KIF9: variants seen among roughly 807,000 people sequenced by gnomAD.
KIF9 encodes kinesin family member 9.
In KIF9, 68 loss-of-function variants were observed where a neutral mutation model predicts 94.8. The ratio of observed to expected loss-of-function variants is 0.72; its 90% CI spans 0.59 to 0.88. The LOEUF (loss-of-function observed/expected upper bound fraction) is 0.88, where lower values mean the gene tolerates loss of function less well. Among genes scored for constraint, KIF9 ranks in the 40% least tolerant of loss-of-function variants. KIF9 has a pLI of 0.00. For synonymous variants in KIF9, 343 were observed against 362.1 expected (o/e 0.95, Z 0.60); for missense variants, 882 against 982.5 (o/e 0.90, Z 1.37).
At chr3:47,275,516 A>T (rs1012607321) in intron 2 of KIF9, 26 bp from the exon 3 acceptor site, 3 of 1,575,164 alleles carry the variant, frequency 1.9e-6, no homozygotes, top group Non-Finnish European at 2.6e-6. Flanking sequence ...GAGAAAGAAA[A>T]AAATGTTATT....
At chr3:47,239,299 C>T (rs956462029) in intron 17 of KIF9, among the ~76,000 whole-genome samples, 2 of 152,300 alleles carry the variant, frequency 1.3e-5, no homozygotes, top group South Asian at 2.1e-4. Context: ...GCATACCATG[C>T]GTATATTTTA....
chr3:47,245,131 C>G (rs2107217379), intron 14 of KIF9: 1 of 632,688 alleles, frequency 1.6e-6, no homozygotes, highest in Non-Finnish European at 2.7e-6. Context: ...CATGCACCCC[C>G]TCACCAGTAT....
chr3:47,251,841 C>T (rs1292312382), intron 10 of KIF9, among the ~76,000 whole-genome samples: 8 of 152,164 alleles, frequency 5.3e-5, no homozygotes, highest in Admixed American at 5.2e-4. Flanking sequence ...CTGAGGCTCA[C>T]AGCCCTTTAC....
intron 13 of KIF9, chr3:47,245,718 A>C (rs925223672): frequency 3.5e-6 from 2 of 577,762 alleles, no homozygotes; most frequent in Non-Finnish European, 6.2e-6. Flanking sequence ...CCCCATACCC[A>C]CAAGGGCTAC....
Position 47,244,883 on chromosome 3 carries a change from A to T in KIF9, c.1422T>A (p.Pro474=), listed in dbSNP as rs1385738344. 1.2e-6 allele frequency: 2 copies of T among 1,614,140 alleles called. No individual in the cohort carries two copies. The highest frequency in any genetic ancestry group is 3.3e-5 in the Admixed American group (2 of 60,008). ...CTCCGAGTCCAAAGTTTTGTCCTTC[A>T]GGCTCACCCACTAGGTGGCCATCAA... ...VDVDGHLVGE[P]EGQNFGLGVA... is the part of the protein sequence containing the mutation. Residue 474 remains proline, a synonymous_variant, in exon 15 of 21, where the codon CCT becomes CCA. Coordinates refer to ENST00000684063, the MANE Select transcript of KIF9 (RefSeq NM_182902.4).
chr3:47,282,288 G>T, intron 1 of KIF9: 1 of 985,702 alleles, frequency 1.0e-6, no homozygotes, highest in Non-Finnish European at 1.2e-6. Context: ...TGGGACCAAT[G>T]AACATTAGCT....
chr3:47,238,160 C>A (rs1217484217), intron 17 of KIF9, among the ~76,000 whole-genome samples: 1 of 151,824 alleles, frequency 6.6e-6, no homozygotes. Flanking sequence ...ACTAATGTTC[C>A]AAATATGTTG....
chr3:47,229,102 T>C (rs889665186), intron 20 of KIF9, among the ~76,000 whole-genome samples: 1 of 152,214 alleles, frequency 6.6e-6, no homozygotes, highest in Non-Finnish European at 1.5e-5. Flanking sequence ...TCACAAATTA[T>C]ACCTTTTTAA....
At chr3:47,252,323 G>C (rs1700321705) in intron 10 of KIF9, among the ~76,000 whole-genome samples, 1 of 152,156 alleles carries the variant, frequency 6.6e-6, no homozygotes, top group Admixed American at 6.5e-5. Context: ...ACTTCACCAG[G>C]CGTGGTGGCT....
At chr3:47,279,737 C>T (rs770995274) in intron 1 of KIF9, among the ~76,000 whole-genome samples, 11 of 151,804 alleles carry the variant, frequency 7.2e-5, no homozygotes, top group Non-Finnish European at 1.5e-4. Context: ...CTGCCTCAGC[C>T]TCCCGAGTAG....
intron 5 of KIF9, among the ~76,000 whole-genome samples, chr3:47,269,561 C>T (rs750037064): frequency 1.1e-4 from 16 of 152,068 alleles, no homozygotes; most frequent in South Asian, 2.1e-4. Flanking sequence ...GAATTACAGG[C>T]GTGAGCCACT....
At chr3:47,251,125 T>C (rs1257278394) in intron 10 of KIF9, among the ~76,000 whole-genome samples, 1 of 152,156 alleles carries the variant, frequency 6.6e-6, no homozygotes, top group Non-Finnish European at 1.5e-5. Flanking sequence ...GTCTCACCTG[T>C]CCACATGCCA....
rs1438941872 is a variant in KIF9 at position 47,228,375 on chromosome 3, C to CAA, written c.*275_*276dup. ...ATGTCCTTTCAGACAGGAAATAAGACAAAGTTCTCAGATGAGCACTGAAAG... is the reference window on the plus strand; with the variant it reads ...ATGTCCTTTCAGACAGGAAATAAGACAAAAAGTTCTCAGATGAGCACTGAAAG... On this transcript the variant is annotated 3_prime_UTR_variant, in exon 21 of 21. Coordinates refer to ENST00000684063, the MANE Select transcript of KIF9 (RefSeq NM_182902.4). The CAA allele has an allele frequency of 2.4e-6, 1 of 413,338 alleles. No individual in the cohort carries two copies. Among genetic ancestry groups the CAA allele is most frequent in the African/African-American group, 2.0e-5 (1 of 49,506 alleles). The allele number at this position is 413,338 out of a possible 1,614,324, so 25.6% of individuals were successfully genotyped here. A position where few individuals can be genotyped will look rare whatever the true frequency, so the allele number is the denominator to read the frequency against.
At chr3:47,281,096 A>G in intron 1 of KIF9, 1 of 696,466 alleles carries the variant, frequency 1.4e-6, no homozygotes, top group Non-Finnish European at 2.6e-6. Flanking sequence ...AGAGCCCAGC[A>G]CAGAGTAGGT....
rs541443478 is a variant in KIF9, at chr3:47,255,909, G to A, written c.1059+1574C>T. The stretch of plus-strand genomic sequence containing the variant: ...CGAGTGCCTGTGATTGCGGGCGCGC[G>A]CCACCACACCTGACTGGTTTTCCTA... On this transcript the variant is annotated intron_variant, in intron 10 of 20. Coordinates refer to ENST00000684063, the MANE Select transcript of KIF9 (RefSeq NM_182902.4). Among the ~76,000 whole-genome samples, 95 of 152,336 alleles carry A rather than the reference G, an allele frequency of 6.2e-4. 1 individual carries two copies. Among genetic ancestry groups the A allele is most frequent in the African/African-American group, 2.2e-3 (91 of 41,580 alleles).
At chr3:47,258,319 C>T (rs184912388) in intron 9 of KIF9, among the ~76,000 whole-genome samples, 1 of 152,164 alleles carries the variant, frequency 6.6e-6, no homozygotes, top group Non-Finnish European at 1.5e-5. Flanking sequence ...AGTCATAGCT[C>T]ACTGCAGCCT....
chr3:47,244,189 G>A (rs1397964831), intron 15 of KIF9: 2 of 152,676 alleles, frequency 1.3e-5, no homozygotes, highest in Non-Finnish European at 2.9e-5. Context: ...CACATGGGGT[G>A]ACCCCTTGGG....
chr3:47,269,768 ATTT>A (rs36108313), intron 5 of KIF9, among the ~76,000 whole-genome samples: 5 of 86,462 alleles, frequency 5.8e-5, no homozygotes, highest in African/African-American at 2.3e-4. Context: ...CTCCCAGCTA[ATTT>A]TTTTTTTTTT....
intron 1 of KIF9, among the ~76,000 whole-genome samples, chr3:47,279,866 C>T (rs1161519996): frequency 6.6e-6 from 1 of 152,116 alleles, no homozygotes; most frequent in African/African-American, 2.4e-5. Context: ...ATCTGCCCAC[C>T]TCAGCGGATC....
Sources: allele counts gnomAD v4.1 joint callset (sites outside exome capture counted in the v4.1 genomes callset), GRCh38; gene constraint gnomAD v4.1.1; transcripts MANE v1.5; gene names NCBI Gene and HGNC (gene_info 2026-07-23, HGNC 2026-07-21).